The following MGRN1 variants were observed in gnomAD, a reference collection of about 807,000 sequenced individuals.
MGRN1 encodes the protein E3 ubiquitin-protein ligase MGRN1.
A neutral mutation model predicts 69.2 loss-of-function variants in MGRN1; 29 were observed. The observed-to-expected ratio is 0.42, with a 90% CI of 0.31 to 0.57. The LOEUF (loss-of-function observed/expected upper bound fraction) is 0.57, where lower values mean the gene tolerates loss of function less well. Ranked by LOEUF, MGRN1 falls within the 20% of genes least tolerant of loss-of-function variation. The pLI is 0.15. For synonymous variants in MGRN1, 470 were observed against 344.2 expected (o/e 1.37, Z -4.04); for missense variants, 998 against 796.2 (o/e 1.25, Z -3.05).
chr16:4,643,772 C>A (rs776733564), intron 1 of MGRN1, among the ~76,000 whole-genome samples: 6 of 152,096 alleles, frequency 3.9e-5, no homozygotes, highest in Non-Finnish European at 7.4e-5. Flanking sequence ...GTGAGTTTTT[C>A]GTGTTTTGAA....
rs1442000845 is a variant in MGRN1 at position 4,671,246 on chromosome 16, C to T, written c.727-145C>T. ...GGGCAAGCAGCAGGTTTTCCCTGCC[C>T]TTCTCCTGGCCCCCAGGGGTTGAGC... On this transcript the variant is annotated intron_variant, in intron 8 of 16. Transcript: ENST00000262370. The T allele has an allele frequency of 1.3e-5, 9 of 713,924 alleles. No individual in the cohort carries two copies. In the Admixed American group the frequency reaches 2.0e-4, roughly 16 times the overall value. 44.2% of individuals were successfully genotyped at this position (713,924 alleles called of 1,614,324 possible). A position where few individuals can be genotyped will look rare whatever the true frequency, so the allele number is the denominator to read the frequency against.
intron 8 of MGRN1, 117 bp downstream of exon 8, chr16:4,668,429 G>GCTCATACACA (rs373935237): frequency 6.7e-6 from 7 of 1,049,874 alleles, no homozygotes; most frequent in Non-Finnish European, 9.9e-6. Context: ...ACTCATACAC[G>GCTCATACACA]CTCATACACA....
rs1303387049 is a variant in MGRN1 at position 4,677,458 on chromosome 16, C to T, written c.956-5C>T. ...GGCCTGATCTGAGCCCTCCTTCTGC[C>T]GCAGCTTTCCGGGCCCTCCTGCAGA... On this transcript the variant is annotated splice_region_variant and splice_polypyrimidine_tract_variant and intron_variant, in intron 10 of 16. Coordinates refer to ENST00000262370, the MANE Select transcript of MGRN1 (RefSeq NM_015246.4). 32 of 1,545,204 alleles carry T rather than the reference C, an allele frequency of 2.1e-5. No homozygotes were observed. Among genetic ancestry groups the T allele is most frequent in the African/African-American group, 4.1e-5 (3 of 72,746 alleles).
At chr16:4,686,959 G>GGA in intron 16 of MGRN1, 2 of 985,478 alleles carry the variant, frequency 2.0e-6, no homozygotes, top group South Asian at 9.4e-5. Flanking sequence ...GGTGCCCAGG[G>GGA]GAGAGTATCT....
At chr16:4,651,149 T>C (rs958950269) in intron 2 of MGRN1, 2 of 151,498 alleles carry the variant, frequency 1.3e-5, no homozygotes, top group African/African-American at 4.9e-5. Context: ...CCTAGAACAG[T>C]GGGCAAGAGA....
intron 10 of MGRN1, among the ~76,000 whole-genome samples, chr16:4,674,765 C>T (rs568287235): frequency 7.9e-4 from 118 of 149,146 alleles, no homozygotes; most frequent in South Asian, 2.3e-3. Context: ...CTCAGCCTCC[C>T]GAGTAGCTGG....
At chr16:4,651,415 T>C (rs1349786931) in intron 2 of MGRN1, among the ~76,000 whole-genome samples, 2 of 152,128 alleles carry the variant, frequency 1.3e-5, no homozygotes, top group Non-Finnish European at 2.9e-5. Context: ...AGGGAGGCTC[T>C]ACTGGAGAGG....
At chr16:4,681,246 GC>G in intron 12 of MGRN1, 1 of 420,438 alleles carries the variant, frequency 2.4e-6, no homozygotes, top group East Asian at 4.6e-5. Flanking sequence ...TCCACCTGGG[GC>G]CAGGCGGGAC....
At chr16:4,684,235 G>C (rs756896722) in intron 16 of MGRN1, among the ~76,000 whole-genome samples, 1 of 152,262 alleles carries the variant, frequency 6.6e-6, no homozygotes, top group Non-Finnish European at 1.5e-5. Flanking sequence ...CTGCCTGTGA[G>C]AGGATGGGGT....
At chr16:4,644,851 T>G (rs753981083) in intron 1 of MGRN1, among the ~76,000 whole-genome samples, 2 of 152,174 alleles carry the variant, frequency 1.3e-5, no homozygotes, top group Admixed American at 6.5e-5. Flanking sequence ...TTTGGTATAT[T>G]CAGTCATGCA....
chr16:4,682,972 C>G, intron 14 of MGRN1, 26 bp downstream of exon 14: 2 of 1,517,044 alleles, frequency 1.3e-6, no homozygotes, highest in Non-Finnish European at 1.8e-6. Flanking sequence ...GGAAGCTTTG[C>G]GCACCCGCCC....
intron 12 of MGRN1, 23 bp from the exon 13 acceptor site, chr16:4,681,527 C>T (rs1007498763): frequency 6.3e-7 from 1 of 1,595,104 alleles, no homozygotes; most frequent in Non-Finnish European, 8.6e-7. Flanking sequence ...GCATGAGCCC[C>T]CTCACGCACC....
At chr16:4,632,952 G>A (rs143158725) in intron 1 of MGRN1, among the ~76,000 whole-genome samples, 7 of 152,190 alleles carry the variant, frequency 4.6e-5, no homozygotes, top group Admixed American at 6.5e-5. Flanking sequence ...GTGTGGTGGC[G>A]TCCACCTTTA....
chr16:4,632,007 CTTTTTTTTTTTTT>C (rs869090061), intron 1 of MGRN1, among the ~76,000 whole-genome samples: 3 of 64,840 alleles, frequency 4.6e-5, no homozygotes, highest in African/African-American at 2.1e-4. Flanking sequence ...AAAAAATTTC[CTTTTTTTTTTTTT>C]TTTTTTTTTT....
rs745766700 is a variant in MGRN1, at chr16:4,683,258, C to T, written c.1517C>T (p.Ser506Leu). Residue 506 changes from serine to leucine, a missense_variant, in exon 15 of 17, where the codon TCA (serine) becomes TTA (leucine). Coordinates refer to ENST00000262370, the MANE Select transcript of MGRN1 (RefSeq NM_015246.4). ...ACAGAAGAGGTTGATGAGTCGTCGTCACCACAGCAAGGTGAGCGCCTCCTT... is the reference window on the plus strand; with the variant it reads ...ACAGAAGAGGTTGATGAGTCGTCGTTACCACAGCAAGGTGAGCGCCTCCTT... Reference protein sequence around the residue: ...FITEEVDESSSPQQGTRAASI... With the variant: ...FITEEVDESSLPQQGTRAASI... 4 of 1,613,864 alleles carry T rather than the reference C, an allele frequency of 2.5e-6. No individual in the cohort carries two copies. The highest frequency in any genetic ancestry group is 3.4e-6 in the Non-Finnish European group (4 of 1,179,992).
At chr16:4,677,681 A>G in intron 11 of MGRN1, 109 bp downstream of exon 11, 1 of 1,067,654 alleles carries the variant, frequency 9.4e-7, no homozygotes, top group South Asian at 1.4e-5. Context: ...TCTTCTGTCC[A>G]GTGGGCAGGC....
At chr16:4,664,270 C>G (rs555062172) in intron 5 of MGRN1, 2 of 245,074 alleles carry the variant, frequency 8.2e-6, no homozygotes, top group Non-Finnish European at 8.1e-6. Flanking sequence ...AGAAGGTCAC[C>G]TGTTGTGCAA....
chr16:4,688,254 G>A, intron 16 of MGRN1: 1 of 985,768 alleles, frequency 1.0e-6, no homozygotes, highest in Non-Finnish European at 1.2e-6. Flanking sequence ...CCCATCTGGG[G>A]ACAGCGCCCG....
intron 5 of MGRN1, among the ~76,000 whole-genome samples, chr16:4,659,330 GT>G: frequency 6.6e-6 from 1 of 152,280 alleles, no homozygotes; most frequent in Middle Eastern, 3.4e-3. Context: ...GCTCTGGGGA[GT>G]GGGAGTTTGG....
Sources: allele counts gnomAD v4.1 joint callset (sites outside exome capture counted in the v4.1 genomes callset), GRCh38; gene constraint gnomAD v4.1.1; transcripts MANE v1.5; gene names NCBI Gene and HGNC (gene_info 2026-07-23, HGNC 2026-07-21).